The following NUCB2 variants were observed in gnomAD, a reference collection of about 807,000 sequenced individuals.
NUCB2 encodes nucleobindin 2.
Under a neutral mutation model 57.9 loss-of-function variants are expected in NUCB2, and 48 were observed. The ratio of observed to expected loss-of-function variants is 0.83; its 90% CI spans 0.66 to 1.05. NUCB2 has a LOEUF of 1.05. NUCB2 is among the 50% of genes least tolerant of loss of function. The pLI is 0.00. For missense variants in NUCB2, 442 were observed against 476.2 expected (o/e 0.93, Z 0.67); for synonymous variants, 139 against 152.1 (o/e 0.91, Z 0.64).
At chr11:17,336,753 CAAAAAAAAAAAAAAAAAA>C (rs71047542), downstream of NUCB2, among the ~76,000 whole-genome samples, 1 of 47,416 alleles carries the variant, frequency 2.1e-5, no homozygotes, top group East Asian at 6.9e-4. Flanking sequence ...GACTCCGTCT[CAAAAAAAAAAAAAAAAAA>C]AAAAAAAAAA....
rs2138944604 is a variant in NUCB2, at chr11:17,311,901, C to G, written c.790C>G (p.Gln264Glu). 6.3e-7 allele frequency: 1 copy of G among 1,598,414 alleles called. No homozygotes were observed. The highest frequency in any genetic ancestry group is 2.2e-5 in the East Asian group (1 of 44,586). ...DVNSDGFLDEQELEALFTKEL... is the reference protein window; with the variant it reads ...DVNSDGFLDEEELEALFTKEL... ...CAATAGTGATGGATTCCTGGATGAA[C>G]AAGAATTAGAAGCCCTATTTACTAA... Residue 264 changes from glutamine (Q) to glutamate (E), a missense_variant, in exon 9 of 14, where the codon CAA becomes GAA. Gln to Glu is a conservative substitution (Grantham distance 29). Transcript: ENST00000529010.
chr11:17,284,751 G>A (rs955024846), intron 2 of NUCB2, among the ~76,000 whole-genome samples: 2 of 152,112 alleles, frequency 1.3e-5, no homozygotes, highest in Non-Finnish European at 2.9e-5. Context: ...GACTGAGAAT[G>A]TCTGTTTGGT....
intron 2 of NUCB2, among the ~76,000 whole-genome samples, chr11:17,285,610 G>A (rs1359351063): frequency 6.6e-6 from 1 of 150,880 alleles, no homozygotes; most frequent in African/African-American, 2.4e-5. Flanking sequence ...TGGGCGTGGT[G>A]GCGGGCACCT....
intron 2 of NUCB2, among the ~76,000 whole-genome samples, chr11:17,348,836 C>T (rs1022306502): frequency 4.6e-5 from 7 of 151,720 alleles, no homozygotes; most frequent in Admixed American, 1.3e-4. Context: ...TGGAGTGCAA[C>T]GGCATTGATC....
chr11:17,320,580 C>T (rs972861411), intron 11 of NUCB2, among the ~76,000 whole-genome samples: 1 of 152,104 alleles, frequency 6.6e-6, no homozygotes, highest in Non-Finnish European at 1.5e-5. Context: ...TCACTTGAAC[C>T]TGGGAGATGG....
intron 2 of NUCB2, among the ~76,000 whole-genome samples, chr11:17,288,192 A>G (rs1190749030): frequency 6.6e-6 from 1 of 152,264 alleles, no homozygotes; most frequent in Non-Finnish European, 1.5e-5. Flanking sequence ...GTGCATAAAA[A>G]TGATGTGAGA....
chr11:17,301,295 T>TG (rs1946703706), intron 4 of NUCB2, among the ~76,000 whole-genome samples: 2 of 111,608 alleles, frequency 1.8e-5, no homozygotes, highest in African/African-American at 6.0e-5. Context: ...TTTTTTTTTT[T>TG]GAGACAGAGT....
intron 11 of NUCB2, among the ~76,000 whole-genome samples, chr11:17,319,853 C>T (rs1362929775): frequency 1.3e-5 from 2 of 151,964 alleles, no homozygotes; most frequent in Admixed American, 6.6e-5. Context: ...AGCCCTCATA[C>T]CCATTAGTTA....
intron 2 of NUCB2, among the ~76,000 whole-genome samples, chr11:17,290,414 T>G (rs1207093449): frequency 6.6e-6 from 1 of 152,132 alleles, no homozygotes; most frequent in Non-Finnish European, 1.5e-5. Flanking sequence ...AATTTTCATA[T>G]TCCATTAATT....
At chr11:17,298,578 GAAAA>G (rs567326412) in intron 4 of NUCB2, among the ~76,000 whole-genome samples, 9 of 137,960 alleles carry the variant, frequency 6.5e-5, no homozygotes, top group African/African-American at 2.4e-4. Flanking sequence ...TCTTAAAAAA[GAAAA>G]AAAAATGAGT....
At chr11:17,310,363 A>G (rs1948302799) in intron 6 of NUCB2, among the ~76,000 whole-genome samples, 2 of 152,096 alleles carry the variant, frequency 1.3e-5, no homozygotes, top group African/African-American at 4.8e-5. Flanking sequence ...ATTGCTGGGC[A>G]TGGTGGCTCA....
intron 10 of NUCB2, among the ~76,000 whole-genome samples, chr11:17,312,617 G>A (rs1948666477): frequency 6.6e-6 from 1 of 152,014 alleles, no homozygotes; most frequent in Admixed American, 6.5e-5. Flanking sequence ...TGGCCAGGCT[G>A]GTCTTGAACT....
chr11:17,315,331 T>C, intron 10 of NUCB2, 55 bp from the exon 11 acceptor site: 1 of 990,354 alleles, frequency 1.0e-6, no homozygotes, highest in Non-Finnish European at 1.5e-6. Context: ...TGATAGTGTC[T>C]AAATAATATG....
intron 8 of NUCB2, among the ~76,000 whole-genome samples, chr11:17,311,626 T>G (rs1041724558): frequency 6.6e-6 from 1 of 152,192 alleles, no homozygotes; most frequent in African/African-American, 2.4e-5. Flanking sequence ...TTGCTTTACT[T>G]TATATTTTTG....
At chr11:17,303,461 CAAA>C (rs967476876) in intron 5 of NUCB2, among the ~76,000 whole-genome samples, 2 of 150,878 alleles carry the variant, frequency 1.3e-5, no homozygotes, top group East Asian at 1.9e-4. Context: ...TTTGATGTAT[CAAA>C]AAAAAGTCAT....
In NUCB2 at chr11:17,341,825, G is replaced by C. The variant is rs1426932609; in HGVS notation, n.2626+4291G>C. On this transcript the variant is annotated intron_variant and non_coding_transcript_variant, in intron 2 of 2. Coordinates refer to the NUCB2 transcript ENST00000532240. ...GGCTTTGCTATCAGGATGATGCTGG[G>C]CTCATAAAATGAGTTAGGGAGGATT... Among the ~76,000 whole-genome samples, 24 of 151,490 alleles carry C rather than the reference G, an allele frequency of 1.6e-4. No homozygotes were observed. The East Asian group carries it at 4.5e-3, about 28-fold the overall frequency.
At chr11:17,286,380 G>A (rs1264986249) in intron 2 of NUCB2, among the ~76,000 whole-genome samples, 1 of 152,190 alleles carries the variant, frequency 6.6e-6, no homozygotes, top group East Asian at 1.9e-4. Flanking sequence ...AGAGAGATTA[G>A]CTTTCTTTTA....
chr11:17,342,502 G>A (rs1487405087), intron 2 of NUCB2, among the ~76,000 whole-genome samples: 1 of 150,972 alleles, frequency 6.6e-6, no homozygotes, highest in African/African-American at 2.4e-5. Flanking sequence ...CAGAGATTCT[G>A]GTATGTTGTG....
At chr11:17,329,118 C>A (rs755492648) in intron 11 of NUCB2, among the ~76,000 whole-genome samples, 2 of 152,144 alleles carry the variant, frequency 1.3e-5, no homozygotes, top group Non-Finnish European at 2.9e-5. Context: ...GTCCTCACAA[C>A]TCTGCCTGGT....
Sources: allele counts gnomAD v4.1 joint callset (sites outside exome capture counted in the v4.1 genomes callset), GRCh38; gene constraint gnomAD v4.1.1; transcripts MANE v1.5; gene names NCBI Gene and HGNC (gene_info 2026-07-23, HGNC 2026-07-21).